The following RPS6KC1 variants were observed in gnomAD, a reference collection of about 807,000 sequenced individuals.
RPS6KC1 encodes the protein ribosomal protein S6 kinase C1, also known as inactive ribosomal protein S6 kinase delta-1.
RPS6KC1 carries 54 observed loss-of-function variants against 103.8 expected under a neutral mutation model. The ratio of observed to expected loss-of-function variants is 0.52; its 90% CI spans 0.42 to 0.65. The LOEUF (loss-of-function observed/expected upper bound fraction) is 0.65, where lower values mean the gene tolerates loss of function less well. RPS6KC1 is among the 30% of genes least tolerant of loss of function. RPS6KC1 has a pLI of 0.00. For synonymous variants in RPS6KC1, 439 were observed against 438.7 expected, an observed-to-expected ratio of 1.00 and a Z score of -0.01; for missense variants, 1,151 against 1,253.8, an observed-to-expected ratio of 0.92 and a Z score of 1.24.
the RPS6KC1 span, among the ~76,000 whole-genome samples, chr1:213,602,028 C>CTTTCTTTCTTTCTTTCTTTCTCTTTCTT: frequency 1.7e-4 from 2 of 11,896 alleles, no homozygotes; most frequent in Non-Finnish European, 3.9e-4. Context: ...TTCTTTCTTT[C>CTTTCTTTCTTTCTTTCTTTCTCTTTCTT]TCTTTCTCTT....
chr1:213,184,786 G>A (rs1433708906), intron 8 of RPS6KC1, among the ~76,000 whole-genome samples: 2 of 152,024 alleles, frequency 1.3e-5, no homozygotes, highest in Admixed American at 6.6e-5. Context: ...ATTTCCGTGT[G>A]TTTCTGTATT....
chr1:213,071,637 G>GT (rs2078894183), intron 2 of RPS6KC1, among the ~76,000 whole-genome samples: 1 of 151,990 alleles, frequency 6.6e-6, no homozygotes, highest in Admixed American at 6.6e-5. Flanking sequence ...ATCACTTAAG[G>GT]GCCCCTATTT....
At chr1:213,187,389 C>T (rs529766654) in intron 8 of RPS6KC1, among the ~76,000 whole-genome samples, 11 of 151,660 alleles carry the variant, frequency 7.3e-5, no homozygotes, top group African/African-American at 2.7e-4. Flanking sequence ...AGACTACAGA[C>T]ATGCGCCACT....
At chr1:213,609,375 C>A in the RPS6KC1 span, among the ~76,000 whole-genome samples, 2 of 152,164 alleles carry the variant, frequency 1.3e-5, no homozygotes, top group East Asian at 3.9e-4. Flanking sequence ...TTCTGGTCTC[C>A]TAAGTCTTTG....
intron 6 of RPS6KC1, among the ~76,000 whole-genome samples, chr1:213,153,111 C>T (rs1038253724): frequency 5.3e-5 from 8 of 152,218 alleles, no homozygotes; most frequent in African/African-American, 1.4e-4. Context: ...AGTCTGCAAT[C>T]GCAGGCACTC....
the RPS6KC1 span, among the ~76,000 whole-genome samples, chr1:213,627,916 A>T: frequency 1.3e-5 from 2 of 152,180 alleles, no homozygotes; most frequent in Non-Finnish European, 2.9e-5. Flanking sequence ...AGGCTTTGTT[A>T]TCAGGATAAT....
chr1:213,801,524 G>A, the RPS6KC1 span, among the ~76,000 whole-genome samples: 339 of 152,188 alleles, frequency 2.2e-3, no homozygotes, highest in African/African-American at 8.0e-3. Context: ...AGAATAACAT[G>A]TTTTATAAAG....
the RPS6KC1 span, among the ~76,000 whole-genome samples, chr1:213,684,310 T>A: frequency 6.6e-6 from 1 of 152,152 alleles, no homozygotes; most frequent in East Asian, 1.9e-4. Flanking sequence ...TATCCCCTGT[T>A]ACATTTGAGG....
At chr1:213,817,234 T>G in the RPS6KC1 span, among the ~76,000 whole-genome samples, 1 of 152,136 alleles carries the variant, frequency 6.6e-6, no homozygotes, top group Non-Finnish European at 1.5e-5. Context: ...GCACGCATAG[T>G]CATCGGCTCC....
the RPS6KC1 span, among the ~76,000 whole-genome samples, chr1:213,742,364 G>A: frequency 6.6e-6 from 1 of 152,168 alleles, no homozygotes; most frequent in African/African-American, 2.4e-5. Context: ...AAACTTATTT[G>A]ACGTAGAATC....
the RPS6KC1 span, among the ~76,000 whole-genome samples, chr1:213,599,741 G>T: frequency 2.6e-5 from 4 of 152,148 alleles, no homozygotes; most frequent in Admixed American, 2.0e-4. Flanking sequence ...ATGTGGATTC[G>T]AAGGGCATGG....
At chr1:213,795,434 C>A in the RPS6KC1 span, among the ~76,000 whole-genome samples, 1 of 152,176 alleles carries the variant, frequency 6.6e-6, no homozygotes, top group African/African-American at 2.4e-5. Context: ...TGGGGAGTTA[C>A]ATATGTCAGG....
At chr1:213,660,636 A>C in the RPS6KC1 span, among the ~76,000 whole-genome samples, 191 of 152,322 alleles carry the variant, frequency 1.3e-3, 3 homozygotes, top group East Asian at 0.035. Flanking sequence ...AATACACCCA[A>C]AGCTATAATA....
At chr1:213,683,977 A>G in the RPS6KC1 span, among the ~76,000 whole-genome samples, 1 of 152,322 alleles carries the variant, frequency 6.6e-6, no homozygotes, top group East Asian at 1.9e-4. Flanking sequence ...ATCTAAAGGA[A>G]GAAGACCCTG....
At chr1:213,353,401 C>G in the RPS6KC1 span, among the ~76,000 whole-genome samples, 2 of 152,244 alleles carry the variant, frequency 1.3e-5, no homozygotes, top group Non-Finnish European at 2.9e-5. Context: ...TATTATCATT[C>G]TAATTTTATA....
the RPS6KC1 span, among the ~76,000 whole-genome samples, chr1:213,560,927 A>G: frequency 6.3e-4 from 96 of 152,338 alleles, no homozygotes; most frequent in African/African-American, 2.2e-3. Flanking sequence ...TGTTGCTACC[A>G]TATTGTACAG....
At chr1:213,277,884 A>C (rs1238500925), downstream of RPS6KC1, among the ~76,000 whole-genome samples, 3 of 152,200 alleles carry the variant, frequency 2.0e-5, no homozygotes, top group African/African-American at 7.2e-5. Flanking sequence ...AACACATCAA[A>C]AATTTCATAT....
intron 8 of RPS6KC1, among the ~76,000 whole-genome samples, chr1:213,199,386 A>C (rs1050655746): frequency 1.3e-5 from 2 of 152,212 alleles, no homozygotes; most frequent in Non-Finnish European, 2.9e-5. Context: ...ACAGAACTAA[A>C]GGACAAAAAC....
chr1:213,205,944 T>C (rs2093338328), intron 8 of RPS6KC1, among the ~76,000 whole-genome samples: 1 of 152,176 alleles, frequency 6.6e-6, no homozygotes, highest in Non-Finnish European at 1.5e-5. Flanking sequence ...AATGCTCCGA[T>C]GAGCATTTCC....
Sources: gnomAD v4.1 joint callset for allele counts (sites outside exome capture counted in the v4.1 genomes callset) on GRCh38, gnomAD v4.1.1 for gene constraint, MANE v1.5 for transcripts, NCBI Gene and HGNC (gene_info 2026-07-23, HGNC 2026-07-21) for gene names.